Variants in ST8SIA4 observed in about 807,000 individuals in gnomAD.
ST8SIA4 encodes the protein ST8 alpha-N-acetyl-neuraminide alpha-2,8-sialyltransferase 4, also known as CMP-N-acetylneuraminate-poly-alpha-2,8-sialyltransferase.
Under a neutral mutation model 33.9 loss-of-function variants are expected in ST8SIA4, and 15 were observed. The ratio of observed to expected loss-of-function variants is 0.44; its 90% CI spans 0.30 to 0.68. The LOEUF (loss-of-function observed/expected upper bound fraction) is 0.68. ST8SIA4 is among the 30% of genes least tolerant of loss of function. ST8SIA4 has a pLI of 0.10. For missense variants in ST8SIA4, 321 were observed against 428.0 expected (o/e 0.75, Z 2.21); for synonymous variants, 171 against 151.2 (o/e 1.13, Z -0.96).
Position 100,811,598 on chromosome 5 carries a change from T to G in ST8SIA4, c.*249A>C. Reference sequence around the variant, plus strand: ...CACTGTTGGATCTTGTAAACACTACTGATTATACATTCAAACTGTATTCTT... The same window carrying G: ...CACTGTTGGATCTTGTAAACACTACGGATTATACATTCAAACTGTATTCTT... On this transcript the variant is annotated 3_prime_UTR_variant, in exon 5 of 5. Transcript: ENST00000231461. The G allele has an allele frequency of 2.3e-6, 1 of 429,520 alleles. No homozygotes were observed. The highest frequency in any genetic ancestry group is 4.7e-5 in the East Asian group (1 of 21,452). 26.6% of individuals were successfully genotyped at this position (429,520 alleles called of 1,614,324 possible). A position where few individuals can be genotyped will look rare whatever the true frequency, so the allele number is the denominator to read the frequency against.
At chr5:100,812,831 G>A (rs1750841616) in intron 4 of ST8SIA4, among the ~76,000 whole-genome samples, 1 of 152,014 alleles carries the variant, frequency 6.6e-6, no homozygotes, top group African/African-American at 2.4e-5. Context: ...ATCCATCACT[G>A]CTGTCAAACA....
chr5:100,872,535 T>C (rs752542261), intron 3 of ST8SIA4, among the ~76,000 whole-genome samples: 199 of 152,038 alleles, frequency 1.3e-3, no homozygotes, highest in Non-Finnish European at 2.3e-3. Context: ...CAGATAGAGA[T>C]AATTGATTCA....
chr5:100,895,737 T>C lies in ST8SIA4; in HGVS notation c.162A>G (p.Lys54=). Residue 54 remains lysine, a synonymous_variant, in exon 2 of 5, where the codon AAA becomes AAG. Coordinates refer to ENST00000231461, the MANE Select transcript of ST8SIA4 (RefSeq NM_005668.6). ...TTGAAGAGCCAGCCTTTCGAATGATTTTATCAGAGCTATTGACAAGTGACC... is the reference window on the plus strand; with the variant it reads ...TTGAAGAGCCAGCCTTTCGAATGATCTTATCAGAGCTATTGACAAGTGACC... ...LSRSLVNSSD[K]IIRKAGSSIF... 1 of 1,612,898 alleles carries C rather than the reference T, an allele frequency of 6.2e-7. No individual in the cohort carries two copies. Among genetic ancestry groups the C allele is most frequent in the Non-Finnish European group, 8.5e-7 (1 of 1,179,162 alleles).
intron 4 of ST8SIA4, among the ~76,000 whole-genome samples, chr5:100,848,757 G>T (rs748831661): frequency 3.3e-5 from 5 of 150,332 alleles, no homozygotes; most frequent in African/African-American, 4.9e-5. Flanking sequence ...AAAAAGTTAC[G>T]CATTTTTAAA....
intron 4 of ST8SIA4, among the ~76,000 whole-genome samples, chr5:100,834,999 A>T (rs1235536116): frequency 2.6e-5 from 4 of 152,140 alleles, no homozygotes; most frequent in African/African-American, 9.7e-5. Context: ...TTTTTTTCAA[A>T]ATGTAAAACA....
At chr5:100,891,631 T>C (rs1752668373) in intron 2 of ST8SIA4, among the ~76,000 whole-genome samples, 1 of 152,038 alleles carries the variant, frequency 6.6e-6, no homozygotes, top group Non-Finnish European at 1.5e-5. Context: ...TAGAGTGCCA[T>C]TTGATATTTG....
chr5:100,875,448 C>G (rs919141552), intron 3 of ST8SIA4, among the ~76,000 whole-genome samples: 8 of 152,204 alleles, frequency 5.3e-5, no homozygotes, highest in Non-Finnish European at 4.4e-5. Flanking sequence ...GGGAACACCT[C>G]ATTCAGCATT....
At chr5:100,850,212 A>G (rs180840204) in intron 4 of ST8SIA4, among the ~76,000 whole-genome samples, 1 of 152,278 alleles carries the variant, frequency 6.6e-6, no homozygotes, top group East Asian at 1.9e-4. Flanking sequence ...AAAATGGTAA[A>G]TAACTTTAGA....
intron 3 of ST8SIA4, among the ~76,000 whole-genome samples, chr5:100,864,303 G>A (rs1328647803): frequency 1.3e-5 from 2 of 151,950 alleles, no homozygotes; most frequent in African/African-American, 4.8e-5. Flanking sequence ...GGCCGGGTGC[G>A]GTGGCTCACG....
chr5:100,809,945 C>T lies in ST8SIA4; in HGVS notation c.*1902G>A, dbSNP rs1203127837. On this transcript the variant is annotated 3_prime_UTR_variant, in exon 5 of 5. Transcript: ENST00000231461. ...TTGAGAACTGTACTACTGTGAATAT[C>T]CTTTTCCATGGTAACACACACACAC... The T allele has an allele frequency of 7.1e-6, 1 of 140,036 alleles. No individual in the cohort carries two copies. The highest frequency in any genetic ancestry group is 1.6e-5 in the Non-Finnish European group (1 of 64,240). The allele number at this position is 140,036 out of a possible 1,614,324, so 8.7% of individuals were successfully genotyped here. A position where few individuals can be genotyped will look rare whatever the true frequency, so the allele number is the denominator to read the frequency against.
intron 3 of ST8SIA4, chr5:100,885,468 A>G (rs547018710): frequency 1.2e-5 from 11 of 938,896 alleles, no homozygotes; most frequent in African/African-American, 8.9e-5. Flanking sequence ...AAAATATTCA[A>G]AAATAATGTA....
chr5:100,837,025 CA>C (rs1751377784), intron 4 of ST8SIA4, among the ~76,000 whole-genome samples: 4 of 151,432 alleles, frequency 2.6e-5, no homozygotes, highest in Non-Finnish European at 4.4e-5. Context: ...CACACACACA[CA>C]CACACCGTAA....
intron 4 of ST8SIA4, among the ~76,000 whole-genome samples, chr5:100,834,891 C>G (rs1346838422): frequency 6.6e-6 from 1 of 152,046 alleles, no homozygotes; most frequent in African/African-American, 2.4e-5. Flanking sequence ...GAACCATGAA[C>G]CAATTAAATC....
intron 1 of ST8SIA4, among the ~76,000 whole-genome samples, chr5:100,898,091 A>C (rs1418026753): frequency 6.6e-6 from 1 of 152,192 alleles, no homozygotes; most frequent in Non-Finnish European, 1.5e-5. Context: ...TTCTAACCAC[A>C]GATTGATATC....
intron 4 of ST8SIA4, among the ~76,000 whole-genome samples, chr5:100,847,808 G>A (rs982510327): frequency 1.3e-5 from 2 of 151,994 alleles, no homozygotes; most frequent in African/African-American, 2.4e-5. Flanking sequence ...TAGGAATTAT[G>A]GAATTGATCA....
intron 2 of ST8SIA4, chr5:100,890,516 G>A (rs998850081): frequency 9.9e-5 from 15 of 151,766 alleles, no homozygotes; most frequent in Admixed American, 3.9e-4. Context: ...TAATATCTGC[G>A]CTCTATCTAG....
chr5:100,818,073 G>C (rs995645054), intron 4 of ST8SIA4, among the ~76,000 whole-genome samples: 1 of 152,150 alleles, frequency 6.6e-6, no homozygotes, highest in Admixed American at 6.5e-5. Flanking sequence ...ACTGAGGCTT[G>C]GTGGTGATGG....
intron 3 of ST8SIA4, among the ~76,000 whole-genome samples, chr5:100,868,595 T>C (rs889025564): frequency 2.3e-4 from 35 of 152,168 alleles, no homozygotes; most frequent in African/African-American, 7.9e-4. Context: ...TAATTGGGTC[T>C]TTCATAACTA....
intron 3 of ST8SIA4, among the ~76,000 whole-genome samples, chr5:100,870,352 T>C (rs1217264849): frequency 6.6e-6 from 1 of 152,178 alleles, no homozygotes; most frequent in Non-Finnish European, 1.5e-5. Context: ...TTGCTTCAGA[T>C]TCCTCTTCGT....
Sources: allele counts gnomAD v4.1 joint callset (sites outside exome capture counted in the v4.1 genomes callset), GRCh38; gene constraint gnomAD v4.1.1; transcripts MANE v1.5; gene names NCBI Gene and HGNC (gene_info 2026-07-23, HGNC 2026-07-21).